UNC80: variants seen among roughly 807,000 people sequenced by gnomAD.
UNC80 encodes the protein protein unc-80 homolog.
A neutral mutation model predicts 384.6 loss-of-function variants in UNC80; 164 were observed. The ratio of observed to expected loss-of-function variants is 0.43; its 90% CI spans 0.38 to 0.49. The LOEUF is 0.49. UNC80 is among the 20% of genes least tolerant of loss of function. The pLI, the probability that UNC80 is intolerant of heterozygous loss-of-function variation, is 0.00. For missense variants in UNC80, 3,330 were observed against 4,143.0 expected, an observed-to-expected ratio of 0.80 and a Z score of 5.39; for synonymous variants, 1,486 against 1,527.8, an observed-to-expected ratio of 0.97 and a Z score of 0.64.
chr2:209,818,313 G>T (rs1174229307), intron 11 of UNC80, among the ~76,000 whole-genome samples: 1 of 151,522 alleles, frequency 6.6e-6, no homozygotes, highest in Admixed American at 6.6e-5. Flanking sequence ...CGGGAGGAAA[G>T]TCACTGCCTT....
At chr2:209,854,557 G>C (rs1181873377) in intron 22 of UNC80, among the ~76,000 whole-genome samples, 1 of 151,776 alleles carries the variant, frequency 6.6e-6, no homozygotes, top group African/African-American at 2.4e-5. Flanking sequence ...CTATCCATAT[G>C]ACAAAAGTCT....
intron 10 of UNC80, 115 bp downstream of exon 10, chr2:209,817,240 G>T: frequency 9.9e-7 from 1 of 1,012,086 alleles, no homozygotes. Flanking sequence ...AGAAATTTGG[G>T]GCTCAAATTC....
At chr2:209,904,481 T>C (rs752637968) in intron 28 of UNC80, among the ~76,000 whole-genome samples, 1 of 152,212 alleles carries the variant, frequency 6.6e-6, no homozygotes, top group Non-Finnish European at 1.5e-5. Context: ...TTTGAGAATA[T>C]TTGGAAACCA....
At chr2:209,993,981 A>G (rs1480077634) in intron 63 of UNC80, 84 bp from the exon 64 acceptor site, 2 of 1,186,568 alleles carry the variant, frequency 1.7e-6, no homozygotes, top group Non-Finnish European at 2.3e-6. Context: ...TCCCCAGGAG[A>G]CACTGGTTAA....
intron 15 of UNC80, among the ~76,000 whole-genome samples, chr2:209,830,762 G>A (rs1246716471): frequency 1.3e-5 from 2 of 152,180 alleles, no homozygotes; most frequent in African/African-American, 2.4e-5. Context: ...AAAATGCCAC[G>A]GAGGTCGAAG....
chr2:209,940,802 G>A (rs1440157197), intron 43 of UNC80, among the ~76,000 whole-genome samples: 2 of 152,134 alleles, frequency 1.3e-5, no homozygotes, highest in African/African-American at 4.8e-5. Flanking sequence ...GAACGACAGA[G>A]CGAGACTCCA....
chr2:209,861,266 G>T (rs931944790), intron 22 of UNC80, among the ~76,000 whole-genome samples: 2 of 152,204 alleles, frequency 1.3e-5, no homozygotes, highest in African/African-American at 2.4e-5. Context: ...AAGGGATGAT[G>T]AATTTTATCA....
At chr2:209,802,397 C>T (rs2078621778) in intron 7 of UNC80, among the ~76,000 whole-genome samples, 1 of 152,086 alleles carries the variant, frequency 6.6e-6, no homozygotes, top group Non-Finnish European at 1.5e-5. Flanking sequence ...TATATTAAAA[C>T]ATCACATTGT....
chr2:209,902,487 A>G (rs1194932535), intron 28 of UNC80, among the ~76,000 whole-genome samples: 1 of 152,220 alleles, frequency 6.6e-6, no homozygotes, highest in Non-Finnish European at 1.5e-5. Context: ...ACAGTATCAC[A>G]TGCTAGAGAA....
chr2:209,924,847 G>C (rs1336533617), intron 35 of UNC80, among the ~76,000 whole-genome samples: 1 of 149,560 alleles, frequency 6.7e-6, no homozygotes, highest in African/African-American at 2.5e-5. Flanking sequence ...GCTAAATAAA[G>C]ACAAACCTTG....
At chr2:209,953,389 T>TG (rs2092276523) in intron 47 of UNC80, among the ~76,000 whole-genome samples, 1 of 122,468 alleles carries the variant, frequency 8.2e-6, no homozygotes, top group Admixed American at 1.1e-4. Context: ...CACTGCAGCC[T>TG]GGGTGACTGA....
In UNC80 at chr2:209,888,178, G is replaced by A. The variant is rs2086003979; in HGVS notation, c.4194G>A (p.Leu1398=). 4.5e-6 allele frequency: 7 copies of A among 1,551,502 alleles called. No individual in the cohort carries two copies. The highest frequency in any genetic ancestry group is 6.1e-6 in the Non-Finnish European group (7 of 1,146,970). Residue 1398 remains leucine (L), a synonymous_variant, in exon 26 of 65, where the codon CTG becomes CTA. Coordinates refer to ENST00000673920, the MANE Select transcript of UNC80 (RefSeq NM_001371986.1). ...YERKISFAGV[L]DENEDSKDSL... The stretch of plus-strand genomic sequence containing the variant: ...GGAAGATCAGCTTTGCTGGGGTCCT[G>A]GACGAAAATGAAGACTCAAAAGATT...
chr2:209,900,891 A>G (rs1424218758), intron 28 of UNC80, among the ~76,000 whole-genome samples: 1 of 152,220 alleles, frequency 6.6e-6, no homozygotes, highest in Non-Finnish European at 1.5e-5. Context: ...TCTTAAACCC[A>G]AAGCCCAATT....
chr2:209,989,159 CAA>C lies in UNC80; in HGVS notation c.9315-2992_9315-2991del, dbSNP rs11288927. 2.8e-3 allele frequency among the ~76,000 whole-genome samples: 397 copies of C among 140,694 alleles called. 1 individual carries two copies. The highest frequency in any genetic ancestry group is 0.025 in the East Asian group (122 of 4,788). The allele number at this position is 140,694 out of a possible 152,430, so 92.3% of individuals were successfully genotyped here. A position where few individuals can be genotyped will look rare whatever the true frequency, so the allele number is the denominator to read the frequency against. On this transcript the variant is annotated intron_variant, in intron 61 of 64. Coordinates refer to ENST00000673920, the MANE Select transcript of UNC80 (RefSeq NM_001371986.1). Reference sequence around the variant, plus strand: ...GAAACCCTGTGTCTACAAAAAATACCAAAAAAAAAAAAAAAAGTATTCAGGTG... The same window carrying C: ...GAAACCCTGTGTCTACAAAAAATACCAAAAAAAAAAAAAAGTATTCAGGTG...
intron 24 of UNC80, among the ~76,000 whole-genome samples, chr2:209,878,553 T>C (rs1408677058): frequency 1.3e-5 from 2 of 152,192 alleles, no homozygotes; most frequent in East Asian, 1.9e-4. Flanking sequence ...GAGTATATTA[T>C]AGTATTTAAC....
intron 35 of UNC80, 126 bp downstream of exon 35, chr2:209,922,509 C>G (rs2090115885): frequency 1.7e-6 from 2 of 1,211,938 alleles, no homozygotes; most frequent in Non-Finnish European, 2.2e-6. Context: ...ACTTGACATT[C>G]TAAAAAAAAT....
intron 61 of UNC80, among the ~76,000 whole-genome samples, chr2:209,985,647 C>A (rs1248597824): frequency 1.3e-5 from 2 of 152,202 alleles, no homozygotes; most frequent in Non-Finnish European, 2.9e-5. Flanking sequence ...CTCAGATAAA[C>A]CACGTCAAAC....
intron 22 of UNC80, among the ~76,000 whole-genome samples, chr2:209,862,649 C>CT (rs71043955): frequency 0.024 from 1,900 of 78,708 alleles, 52 homozygotes; most frequent in South Asian, 0.044. Context: ...GCAACCTCTG[C>CT]TTTTTTTTTT....
intron 43 of UNC80, among the ~76,000 whole-genome samples, 171 bp downstream of exon 43, chr2:209,939,823 G>A (rs1304465595): frequency 2.0e-5 from 3 of 152,080 alleles, no homozygotes; most frequent in East Asian, 3.9e-4. Context: ...CCATTAACTC[G>A]TCATTTAGCA....
Sources: gnomAD v4.1 joint callset for allele counts (sites outside exome capture counted in the v4.1 genomes callset) on GRCh38, gnomAD v4.1.1 for gene constraint, MANE v1.5 for transcripts, NCBI Gene and HGNC (gene_info 2026-07-23, HGNC 2026-07-21) for gene names.